The following SMCHD1 variants were observed in gnomAD, a reference collection of about 807,000 sequenced individuals.
SMCHD1 encodes the protein structural maintenance of chromosomes flexible hinge domain-containing protein 1.
A neutral mutation model predicts 254.7 loss-of-function variants in SMCHD1; 78 were observed. That is an observed-to-expected ratio of 0.31 (90% confidence interval 0.26 to 0.37). The LOEUF is 0.37. Ranked by LOEUF, SMCHD1 falls within the 10% of genes least tolerant of loss-of-function variation. The pLI, the probability that SMCHD1 is intolerant of heterozygous loss-of-function variation, is 1.00. For synonymous variants in SMCHD1, 766 were observed against 794.9 expected, an observed-to-expected ratio of 0.96 and a Z score of 0.61; for missense variants, 1,840 against 2,408.1, an observed-to-expected ratio of 0.76 and a Z score of 4.94.
chr18:2,777,772 C>A, intron 42 of SMCHD1, 34 bp from the exon 43 acceptor site: 1 of 1,185,570 alleles, frequency 8.4e-7, no homozygotes, highest in Non-Finnish European at 1.2e-6. Flanking sequence ...AAGTCATGTG[C>A]TTTAATATCT....
intron 28 of SMCHD1, among the ~76,000 whole-genome samples, chr18:2,742,213 T>A (rs1464337971): frequency 6.6e-6 from 1 of 152,168 alleles, no homozygotes. Context: ...CCTTTCTCTC[T>A]CCATAGCTCT....
chr18:2,760,783 C>T, intron 35 of SMCHD1, 44 bp downstream of exon 35: 1 of 1,132,794 alleles, frequency 8.8e-7, no homozygotes, highest in Non-Finnish European at 1.3e-6. Flanking sequence ...TTTACATTTT[C>T]TTTTTTTTTC....
At chr18:2,698,882 T>A (rs1256698112) in intron 10 of SMCHD1, among the ~76,000 whole-genome samples, 2 of 152,130 alleles carry the variant, frequency 1.3e-5, no homozygotes, top group Admixed American at 6.5e-5. Flanking sequence ...AATGATACTG[T>A]CTTGTAGCTT....
chr18:2,662,161 G>A (rs1223356774), intron 1 of SMCHD1, among the ~76,000 whole-genome samples: 4 of 90,484 alleles, frequency 4.4e-5, no homozygotes, highest in African/African-American at 2.0e-4. Flanking sequence ...GCGAGACTCC[G>A]TCTCAAAAAA....
At chr18:2,665,085 TTTCTC>T (rs1418854248) in intron 1 of SMCHD1, among the ~76,000 whole-genome samples, 10 of 152,226 alleles carry the variant, frequency 6.6e-5, no homozygotes, top group Non-Finnish European at 1.3e-4. Context: ...ACAGAAGCCT[TTTCTC>T]TTAACTATAT....
chr18:2,692,676 G>T (rs771368062), intron 7 of SMCHD1, among the ~76,000 whole-genome samples: 1 of 152,084 alleles, frequency 6.6e-6, no homozygotes, highest in Non-Finnish European at 1.5e-5. Flanking sequence ...TTGAATTCAT[G>T]TTCTCATTTG....
rs2074841825 is a variant in SMCHD1 at position 2,718,068 on chromosome 18, A to G, written c.2261-90A>G. ...CAAAGCAGGTTTTAAAATACAGCAAATAGGTATTTGGTGCCAATGTGACAT... is the reference window on the plus strand; with the variant it reads ...CAAAGCAGGTTTTAAAATACAGCAAGTAGGTATTTGGTGCCAATGTGACAT... On this transcript the variant is annotated intron_variant, in intron 17 of 47. Coordinates refer to ENST00000320876, the MANE Select transcript of SMCHD1 (RefSeq NM_015295.3). The surrounding 1 kb of genome is among the most constrained non-coding windows in gnomAD (Gnocchi z 4.6). 2 of 942,294 alleles carry G rather than the reference A, an allele frequency of 2.1e-6. No homozygotes were observed. Among genetic ancestry groups the G allele is most frequent in the Admixed American group, 2.6e-5 (1 of 39,182 alleles). The allele number at this position is 942,294 out of a possible 1,614,324, so 58.4% of individuals were successfully genotyped here.
chr18:2,738,382 C>T lies in SMCHD1; in HGVS notation c.3277-15C>T, dbSNP rs1433059312. ...ACGAAGCTTTATTATTGTTAAATAT[C>T]TCTTTTTCTCCTAGGTTAATTGGAC... On this transcript the variant is annotated splice_polypyrimidine_tract_variant and intron_variant, in intron 25 of 47. Coordinates refer to ENST00000320876, the MANE Select transcript of SMCHD1 (RefSeq NM_015295.3). 3 of 1,562,174 alleles carry T rather than the reference C, an allele frequency of 1.9e-6. No individual in the cohort carries two copies. The highest frequency in any genetic ancestry group is 4.0e-5 in the Admixed American group (2 of 50,520).
intron 24 of SMCHD1, among the ~76,000 whole-genome samples, chr18:2,731,858 A>C (rs547763517): frequency 6.6e-6 from 1 of 152,250 alleles, no homozygotes; most frequent in African/African-American, 2.4e-5. Flanking sequence ...TGAAAATACA[A>C]AAATTATCCA....
intron 5 of SMCHD1, among the ~76,000 whole-genome samples, chr18:2,684,722 T>G (rs1370539140): frequency 6.6e-6 from 1 of 151,520 alleles, no homozygotes; most frequent in African/African-American, 2.4e-5. Context: ...TGTGTGTGTG[T>G]GTGTGTGTGT....
chr18:2,741,141 C>T (rs1343319048), intron 28 of SMCHD1, among the ~76,000 whole-genome samples: 1 of 152,124 alleles, frequency 6.6e-6, no homozygotes, highest in Non-Finnish European at 1.5e-5. Context: ...TTCATAGTAG[C>T]TGTTTAAATA....
chr18:2,784,755 T>G lies in SMCHD1; in HGVS notation c.5719+134T>G, dbSNP rs919865407. ...AGTAACAAATGTAAGTAAGATGTTT[T>G]TGTCTACTACTTTCAGCTTTTTTAT... On this transcript the variant is annotated intron_variant, in intron 45 of 47. Coordinates refer to ENST00000320876, the MANE Select transcript of SMCHD1 (RefSeq NM_015295.3). 7 of 1,015,330 alleles carry G rather than the reference T, an allele frequency of 6.9e-6. No homozygotes were observed. The African/African-American group carries it at 1.1e-4, about 16-fold the overall frequency. 62.9% of individuals were successfully genotyped at this position (1,015,330 alleles called of 1,614,324 possible).
chr18:2,729,723 T>TTTA (rs1202879876), intron 24 of SMCHD1, among the ~76,000 whole-genome samples: 4 of 151,360 alleles, frequency 2.6e-5, no homozygotes, highest in East Asian at 1.9e-4. Context: ...TTTTTTTTTT[T>TTTA]AAAGAGATAG....
chr18:2,663,269 C>T (rs971823415), intron 1 of SMCHD1, among the ~76,000 whole-genome samples: 2 of 138,886 alleles, frequency 1.4e-5, no homozygotes, highest in South Asian at 4.2e-4. Context: ...CCATGCCCAG[C>T]TATTTTTTTT....
chr18:2,796,343 T>G (rs113594120), intron 46 of SMCHD1, 64 bp from the exon 47 acceptor site: 34 of 1,060,154 alleles, frequency 3.2e-5, no homozygotes, highest in Non-Finnish European at 3.6e-5. Flanking sequence ...TATTCATGTT[T>G]GCATTTCTCT....
intron 5 of SMCHD1, 79 bp from the exon 6 acceptor site, chr18:2,688,315 C>A: frequency 1.0e-6 from 1 of 972,394 alleles, no homozygotes; most frequent in Non-Finnish European, 1.6e-6. Flanking sequence ...TTTATTAACA[C>A]TGAATACAAG....
At chr18:2,772,039 G>A (rs941737646) in intron 40 of SMCHD1, among the ~76,000 whole-genome samples, 2 of 151,894 alleles carry the variant, frequency 1.3e-5, no homozygotes, top group African/African-American at 4.8e-5. Flanking sequence ...TCAGTGAAGT[G>A]GGAACTTTAT....
At chr18:2,785,812 A>G (rs1049184185) in intron 45 of SMCHD1, among the ~76,000 whole-genome samples, 1 of 152,074 alleles carries the variant, frequency 6.6e-6, no homozygotes, top group African/African-American at 2.4e-5. Context: ...GTCTCTCTGA[A>G]TGTGACTTCT....
At chr18:2,680,850 C>G (rs79447760) in intron 5 of SMCHD1, among the ~76,000 whole-genome samples, 1 of 152,266 alleles carries the variant, frequency 6.6e-6, no homozygotes, top group Non-Finnish European at 1.5e-5. Context: ...TTCAGGCATT[C>G]TCATTACTTT....
Sources: gnomAD v4.1 joint callset for allele counts (sites outside exome capture counted in the v4.1 genomes callset) on GRCh38, gnomAD v4.1.1 for gene constraint, Gnocchi (gnomAD v3.1) non-coding constraint, MANE v1.5 for transcripts, NCBI Gene and HGNC (gene_info 2026-07-23, HGNC 2026-07-21) for gene names.